Variants in PPP1R3A observed in about 807,000 individuals in gnomAD.
PPP1R3A encodes protein phosphatase 1 regulatory subunit 3A.
A neutral mutation model predicts 41.7 loss-of-function variants in PPP1R3A; 29 were observed. The observed-to-expected ratio is 0.70, with a 90% CI of 0.52 to 0.95. The LOEUF (loss-of-function observed/expected upper bound fraction) is 0.95, where lower values mean the gene tolerates loss of function less well. Among genes scored for constraint, PPP1R3A ranks in the 40% least tolerant of loss-of-function variants. The pLI is 0.00. For missense variants in PPP1R3A, 1,352 were observed against 1,292.4 expected, an observed-to-expected ratio of 1.05 and a Z score of -0.71; for synonymous variants, 485 against 453.4, an observed-to-expected ratio of 1.07 and a Z score of -0.89.
chr7:113,882,391 G>A, intron 1 of PPP1R3A, 71 bp from the exon 2 acceptor site: 1 of 919,342 alleles, frequency 1.1e-6, no homozygotes, highest in Non-Finnish European at 1.7e-6. Context: ...TACACAGGGG[G>A]AAATTCAATC....
chr7:113,914,111 A>G (rs75311054), intron 1 of PPP1R3A, among the ~76,000 whole-genome samples: 1 of 152,298 alleles, frequency 6.6e-6, no homozygotes, highest in African/African-American at 2.4e-5. Flanking sequence ...GCTGAACAAG[A>G]TTTGATAATA....
intron 1 of PPP1R3A, among the ~76,000 whole-genome samples, chr7:113,895,282 T>C (rs1584413441): frequency 6.6e-6 from 1 of 151,860 alleles, no homozygotes; most frequent in East Asian, 1.9e-4. Context: ...TCAATAAAAA[T>C]ACTGGAAAAG....
At chr7:113,911,838 T>C (rs1486389675) in intron 1 of PPP1R3A, among the ~76,000 whole-genome samples, 3 of 152,086 alleles carry the variant, frequency 2.0e-5, no homozygotes, top group Non-Finnish European at 4.4e-5. Flanking sequence ...GGCACAGTAC[T>C]AGCCATACAC....
At chr7:113,885,178 G>A (rs1325438138) in intron 1 of PPP1R3A, among the ~76,000 whole-genome samples, 1 of 152,012 alleles carries the variant, frequency 6.6e-6, no homozygotes, top group East Asian at 1.9e-4. Context: ...TCAAGTAGCT[G>A]AGATTACAGG....
rs761853557 is a variant in PPP1R3A at position 113,918,400 on chromosome 7, T to C, written c.597A>G (p.Gln199=). 3 of 1,613,514 alleles carry C rather than the reference T, an allele frequency of 1.9e-6. No individual in the cohort carries two copies. Among genetic ancestry groups the C allele is most frequent in the East Asian group, 2.2e-5 (1 of 44,838 alleles). Residue 199 remains glutamine, a synonymous_variant, in exon 1 of 4, where the codon CAA becomes CAG. Coordinates refer to ENST00000284601, the MANE Select transcript of PPP1R3A (RefSeq NM_002711.4). ...AAAACTCAACTTTACTGCCATCTTT[T>C]TGATAAGGAGGAACCAATACAATCT... The part of the protein sequence containing the change: ...SFKIVLVPPY[Q]KDGSKVEFCI...
At chr7:113,886,578 G>T (rs1357781744) in intron 1 of PPP1R3A, among the ~76,000 whole-genome samples, 1 of 152,118 alleles carries the variant, frequency 6.6e-6, no homozygotes, top group Non-Finnish European at 1.5e-5. Flanking sequence ...GGTCAAATTA[G>T]GGAGAAGGAA....
chr7:113,907,935 T>C (rs146035246), intron 1 of PPP1R3A, among the ~76,000 whole-genome samples: 1 of 151,932 alleles, frequency 6.6e-6, no homozygotes, highest in Non-Finnish European at 1.5e-5. Flanking sequence ...TCAGATGTAA[T>C]AGTGACAAAC....
At chr7:113,909,182 T>C (rs971324923) in intron 1 of PPP1R3A, among the ~76,000 whole-genome samples, 8 of 151,976 alleles carry the variant, frequency 5.3e-5, no homozygotes, top group African/African-American at 1.7e-4. Flanking sequence ...AAAGTTATGT[T>C]CAGCATTTTA....
chr7:113,881,168 T>TA (rs1351542092), intron 3 of PPP1R3A, among the ~76,000 whole-genome samples: 1 of 152,060 alleles, frequency 6.6e-6, no homozygotes, highest in Non-Finnish European at 1.5e-5. Flanking sequence ...TGGAGCAAAG[T>TA]AAATTGCATA....
chr7:113,880,626 T>A (rs1316035611), intron 3 of PPP1R3A, among the ~76,000 whole-genome samples: 1 of 151,904 alleles, frequency 6.6e-6, no homozygotes, highest in Non-Finnish European at 1.5e-5. Context: ...GCAAATTCTG[T>A]TTTAATGACC....
chr7:113,912,414 CAA>C (rs1491362611), intron 1 of PPP1R3A, among the ~76,000 whole-genome samples: 1 of 151,938 alleles, frequency 6.6e-6, no homozygotes. Flanking sequence ...TATAAGCATA[CAA>C]CACACACACA....
intron 1 of PPP1R3A, among the ~76,000 whole-genome samples, chr7:113,899,400 A>C (rs1562923299): frequency 1.3e-5 from 2 of 151,776 alleles, no homozygotes; most frequent in Admixed American, 6.6e-5. Flanking sequence ...CCAAGTCATC[A>C]CTGAGGGAGC....
At chr7:113,916,339 A>G (rs1177082387) in intron 1 of PPP1R3A, among the ~76,000 whole-genome samples, 1 of 152,056 alleles carries the variant, frequency 6.6e-6, no homozygotes, top group Non-Finnish European at 1.5e-5. Context: ...GAATCCAATG[A>G]TTACTGTTCT....
In PPP1R3A at chr7:113,877,654, TC is replaced by T. The variant is rs1184425649; in HGVS notation, c.*68del. 1.7e-5 allele frequency: 25 copies of T among 1,461,000 alleles called. No homozygotes were observed. The highest frequency in any genetic ancestry group is 2.3e-5 in the Non-Finnish European group (25 of 1,087,562). 90.5% of individuals were successfully genotyped at this position (1,461,000 alleles called of 1,614,324 possible). On this transcript the variant is annotated 3_prime_UTR_variant, in exon 4 of 4. Transcript: ENST00000284601. The stretch of plus-strand genomic sequence containing the variant: ...CACTGGATCTTTGAACAATGAATAG[TC>T]CCATTCACCAATCCAAATGTTTGGG...
rs561346430 is a variant in PPP1R3A at position 113,913,225 on chromosome 7, C to A, written c.782+4990G>T. On this transcript the variant is annotated intron_variant, in intron 1 of 3. Transcript: ENST00000284601. ...CAAAGGCCTCGTGGGGCTATTTACA[C>A]CTCTTTGGACTATTTCCAGGACCCC... 4.6e-5 allele frequency among the ~76,000 whole-genome samples: 7 copies of A among 152,154 alleles called. No homozygotes were observed. The East Asian group carries it at 1.4e-3, about 30-fold the overall frequency.
chr7:113,918,509 A>G lies in PPP1R3A; in HGVS notation c.488T>C (p.Leu163Ser), dbSNP rs371778446. Residue 163 changes from leucine (L) to serine (S), a missense_variant, in exon 1 of 4, where the codon TTA (leucine) becomes TCA (serine). Physicochemically the swap from Leu to Ser is moderately radical, Grantham distance 145. Coordinates refer to ENST00000284601, the MANE Select transcript of PPP1R3A (RefSeq NM_002711.4). ...GTCATAATGTGTCTGCCAGTCATCT[A>G]AAGACATTCTTACATATACTAACTT... is the stretch of plus-strand genomic sequence containing the variant. ...FEKLVYVRMS[L>S]DDWQTHYDIL... 7.4e-6 allele frequency: 12 copies of G among 1,612,910 alleles called. No individual in the cohort carries two copies. The highest frequency in any genetic ancestry group is 1.3e-5 in the African/African-American group (1 of 74,886).
intron 1 of PPP1R3A, among the ~76,000 whole-genome samples, chr7:113,903,854 T>C (rs1797103710): frequency 1.3e-5 from 2 of 151,696 alleles, no homozygotes; most frequent in African/African-American, 4.8e-5. Context: ...TAATAACATC[T>C]TCAACTTACT....
chr7:113,883,412 A>G (rs533066585), intron 1 of PPP1R3A, among the ~76,000 whole-genome samples: 1 of 152,168 alleles, frequency 6.6e-6, no homozygotes, highest in East Asian at 1.9e-4. Flanking sequence ...TGAGAAATTG[A>G]AAATTCTTCC....
rs182086039 is a variant in PPP1R3A at position 113,886,192 on chromosome 7, G to A, written c.783-3872C>T. On this transcript the variant is annotated intron_variant, in intron 1 of 3. Coordinates refer to ENST00000284601, the MANE Select transcript of PPP1R3A (RefSeq NM_002711.4). Reference sequence around the variant, plus strand: ...TCAAGATATTATGGTTATATCAGGCGGTGATATGGTTTGGCTGTGTCCCCA... The same window carrying A: ...TCAAGATATTATGGTTATATCAGGCAGTGATATGGTTTGGCTGTGTCCCCA... Among the ~76,000 whole-genome samples the A allele has an allele frequency of 1.2e-3, 188 of 151,874 alleles. 1 individual carries two copies. Among genetic ancestry groups the A allele is most frequent in the African/African-American group, 4.0e-3 (166 of 41,428 alleles).
Sources: gnomAD v4.1 joint callset for allele counts (sites outside exome capture counted in the v4.1 genomes callset) on GRCh38, gnomAD v4.1.1 for gene constraint, MANE v1.5 for transcripts, NCBI Gene and HGNC (gene_info 2026-07-23, HGNC 2026-07-21) for gene names.